The following WASF2 variants were observed in gnomAD, a reference collection of about 807,000 sequenced individuals.
WASF2 encodes the protein WASP family member 2, also known as actin-binding protein WASF2.
In WASF2, 14 loss-of-function variants were observed where a neutral mutation model predicts 45.0. The ratio of observed to expected loss-of-function variants is 0.31; its 90% CI spans 0.21 to 0.49. WASF2 has a LOEUF of 0.49. WASF2 is among the 20% of genes least tolerant of loss of function. The pLI, the probability that WASF2 is intolerant of heterozygous loss-of-function variation, is 0.99. For synonymous variants in WASF2, 200 were observed against 236.3 expected (o/e 0.85, Z 1.41); for missense variants, 439 against 636.1 (o/e 0.69, Z 3.33).
At chr1:27,443,214 T>G (rs748165822) in intron 1 of WASF2, among the ~76,000 whole-genome samples, 1 of 147,374 alleles carries the variant, frequency 6.8e-6, no homozygotes, top group African/African-American at 2.5e-5. Flanking sequence ...CATGTACCTG[T>G]GGTCCCAGCT....
chr1:27,462,914 C>T (rs1003385860), intron 1 of WASF2, among the ~76,000 whole-genome samples: 20 of 152,030 alleles, frequency 1.3e-4, no homozygotes, highest in South Asian at 2.1e-4. Context: ...TCGCCTCCTG[C>T]GTTCAAGCAT....
intron 1 of WASF2, among the ~76,000 whole-genome samples, chr1:27,453,023 T>C (rs1310164808): frequency 6.7e-6 from 1 of 149,262 alleles, no homozygotes; most frequent in African/African-American, 2.5e-5. Flanking sequence ...CTGGTCAACA[T>C]GGTGAAACCC....
At chr1:27,475,897 G>C (rs2017759495) in intron 1 of WASF2, among the ~76,000 whole-genome samples, 1 of 152,088 alleles carries the variant, frequency 6.6e-6, no homozygotes, top group Non-Finnish European at 1.5e-5. Context: ...CAAAATACTT[G>C]GCCTCACGCC....
intron 8 of WASF2, 89 bp downstream of exon 8, chr1:27,409,603 A>T (rs2016732037): frequency 8.0e-6 from 11 of 1,369,386 alleles, no homozygotes; most frequent in Non-Finnish European, 9.5e-7. Flanking sequence ...TGGGAAGGGC[A>T]CAGGGACCCC....
intron 1 of WASF2, among the ~76,000 whole-genome samples, chr1:27,451,825 C>T (rs997001971): frequency 5.3e-5 from 8 of 152,174 alleles, no homozygotes; most frequent in Non-Finnish European, 7.3e-5. Context: ...TTCCAATACC[C>T]TCAGATGACG....
chr1:27,487,395 G>A (rs1381674193), intron 1 of WASF2, among the ~76,000 whole-genome samples: 36 of 131,754 alleles, frequency 2.7e-4, no homozygotes, highest in East Asian at 1.7e-3. Flanking sequence ...CACCATGCCC[G>A]GCCTATAATA....
intron 2 of WASF2, among the ~76,000 whole-genome samples, chr1:27,419,638 A>G (rs1047649866): frequency 3.3e-5 from 5 of 152,204 alleles, no homozygotes; most frequent in Non-Finnish European, 7.3e-5. Context: ...ACATTTGCCT[A>G]TAGCCCTTAG....
At position 27,408,176 on chromosome 1, in the gene WASF2, C is replaced by T. The variant is rs755265530; in HGVS notation, c.*13G>A. On this transcript the variant is annotated 3_prime_UTR_variant, in exon 9 of 9. Coordinates refer to ENST00000618852, the MANE Select transcript of WASF2 (RefSeq NM_006990.5). ...AAGGAAAGAAAAAGAAGGTGGGCAG[C>T]AGGCAGAAAGAGTTAATCGGACCAG... 4 of 1,604,400 alleles carry T rather than the reference C, an allele frequency of 2.5e-6. No homozygotes were observed. In the African/African-American group the frequency reaches 4.0e-5, roughly 16 times the overall value.
chr1:27,450,593 C>T (rs2017371501), intron 1 of WASF2, among the ~76,000 whole-genome samples: 1 of 152,076 alleles, frequency 6.6e-6, no homozygotes, highest in Non-Finnish European at 1.5e-5. Flanking sequence ...CTCTGCCTCC[C>T]GGGTTCAAGC....
chr1:27,485,300 G>T (rs1017032042), intron 1 of WASF2, among the ~76,000 whole-genome samples: 1 of 152,020 alleles, frequency 6.6e-6, no homozygotes, highest in Non-Finnish European at 1.5e-5. Context: ...AAGAGGTGGG[G>T]GCAGGGCATG....
intron 1 of WASF2, among the ~76,000 whole-genome samples, chr1:27,474,684 C>T (rs572494200): frequency 2.0e-5 from 3 of 150,638 alleles, no homozygotes; most frequent in South Asian, 2.1e-4. Flanking sequence ...GCAGGAGAAT[C>T]GCGCCTAAAC....
intron 1 of WASF2, among the ~76,000 whole-genome samples, chr1:27,437,323 T>C (rs940864340): frequency 2.0e-5 from 3 of 152,152 alleles, no homozygotes; most frequent in African/African-American, 7.2e-5. Flanking sequence ...ATTTAAACTG[T>C]GAGTTGGAAA....
Position 27,434,227 on chromosome 1 carries a change from T to C in WASF2, c.-43-5294A>G, listed in dbSNP as rs552989939. 5.3e-5 allele frequency among the ~76,000 whole-genome samples: 8 copies of C among 152,276 alleles called. No individual in the cohort carries two copies. In the South Asian group the frequency reaches 8.3e-4, roughly 16 times the overall value. On this transcript the variant is annotated intron_variant, in intron 1 of 8. Transcript: ENST00000618852. ...TCTGGATGACCAGCTATCAGGCACG[T>C]TGGGGGAGAAATTTCTAGCATTTAT...
intron 7 of WASF2, among the ~76,000 whole-genome samples, chr1:27,412,341 G>A (rs1345641608): frequency 2.0e-5 from 3 of 152,032 alleles, no homozygotes. Flanking sequence ...TGAGTAGATG[G>A]GACCACAGGC....
chr1:27,416,397 T>C (rs1217420304), intron 4 of WASF2, among the ~76,000 whole-genome samples: 1 of 152,220 alleles, frequency 6.6e-6, no homozygotes, highest in Non-Finnish European at 1.5e-5. Context: ...TCTGATGATC[T>C]GCATGGCCAC....
intron 8 of WASF2, among the ~76,000 whole-genome samples, chr1:27,409,286 G>A (rs1185767215): frequency 7.3e-5 from 11 of 151,360 alleles, no homozygotes; most frequent in East Asian, 5.8e-4. Context: ...TTAGCCGGGC[G>A]TGGTGGCAGG....
intron 1 of WASF2, among the ~76,000 whole-genome samples, chr1:27,479,864 CA>C (rs1367519944): frequency 2.6e-5 from 4 of 151,964 alleles, no homozygotes; most frequent in Non-Finnish European, 4.4e-5. Flanking sequence ...GACTCCGTCT[CA>C]AAAAAACAAA....
rs1302383526 is a variant in WASF2 at position 27,469,105 on chromosome 1, G to GT, written c.-44+20880dup. On this transcript the variant is annotated intron_variant, in intron 1 of 8. Transcript: ENST00000618852. ...CATTAACAGGATGCAGTGTGGTTAT[G>GT]TTTTTTAAAAACAGTCTCTTTATTT... Among the ~76,000 whole-genome samples, 3 of 152,112 alleles carry GT rather than the reference G, an allele frequency of 2.0e-5. No individual in the cohort carries two copies. In the South Asian group the frequency reaches 6.2e-4, roughly 31 times the overall value.
intron 1 of WASF2, among the ~76,000 whole-genome samples, chr1:27,471,344 C>CAAAAA (rs35393807): frequency 7.5e-5 from 4 of 53,180 alleles, no homozygotes; most frequent in Admixed American, 2.1e-4. Flanking sequence ...GACTCTGTCT[C>CAAAAA]AAAAAAAAAA....
Sources: allele counts gnomAD v4.1 joint callset (sites outside exome capture counted in the v4.1 genomes callset), GRCh38; gene constraint gnomAD v4.1.1; transcripts MANE v1.5; gene names NCBI Gene and HGNC (gene_info 2026-07-23, HGNC 2026-07-21).